GPD2: variants seen among roughly 807,000 people sequenced by gnomAD.
GPD2 encodes glycerol-3-phosphate dehydrogenase, mitochondrial.
In GPD2, 54 loss-of-function variants were observed where a neutral mutation model predicts 82.4. The ratio of observed to expected loss-of-function variants is 0.66; its 90% CI spans 0.53 to 0.82. The LOEUF (loss-of-function observed/expected upper bound fraction) is 0.82, where lower values mean the gene tolerates loss of function less well. Among genes scored for constraint, GPD2 ranks in the 40% least tolerant of loss-of-function variants. GPD2 has a pLI of 0.00. For synonymous variants in GPD2, 288 were observed against 306.1 expected (o/e 0.94, Z 0.62); for missense variants, 748 against 896.2 (o/e 0.83, Z 2.11).
In GPD2 at chr2:156,558,765, CTT is replaced by C. The variant is rs34524248; in HGVS notation, c.1165+1213_1165+1214del. Among the ~76,000 whole-genome samples, 331 of 40,842 alleles carry C rather than the reference CTT, an allele frequency of 8.1e-3. 1 individual carries two copies. The highest frequency in any genetic ancestry group is 0.034 in the African/African-American group (315 of 9,190). 26.8% of individuals were successfully genotyped at this position (40,842 alleles called of 152,430 possible). On this transcript the variant is annotated intron_variant, in intron 9 of 16. Coordinates refer to ENST00000438166, the MANE Select transcript of GPD2 (RefSeq NM_000408.5). The stretch of plus-strand genomic sequence containing the variant: ...GGTGCCCACCACCACGCCCAGCTAA[CTT>C]TTTTTTTTTTTTTTTTTTTTTTTTT...
intron 2 of GPD2, among the ~76,000 whole-genome samples, chr2:156,495,058 T>C (rs1684317471): frequency 6.6e-6 from 1 of 152,156 alleles, no homozygotes; most frequent in African/African-American, 2.4e-5. Flanking sequence ...AAAACTGTAA[T>C]AATGGGCTGG....
Position 156,586,237 on chromosome 2 carries a change from A to G in GPD2, c.*3319A>G, listed in dbSNP as rs1688210823. The G allele has an allele frequency of 6.7e-6, 1 of 150,146 alleles. No individual in the cohort carries two copies. Among genetic ancestry groups the G allele is most frequent in the African/African-American group, 2.4e-5 (1 of 41,268 alleles). 9.3% of individuals were successfully genotyped at this position (150,146 alleles called of 1,614,324 possible). On this transcript the variant is annotated 3_prime_UTR_variant, in exon 17 of 17. Transcript: ENST00000438166. The stretch of plus-strand genomic sequence containing the variant: ...TTAAAAAAAGTTTGAAAATATTTTT[A>G]CAAACTGTGTTTTTGATGACACAAA...
the GPD2 span, among the ~76,000 whole-genome samples, chr2:156,427,337 A>G: frequency 7.2e-5 from 11 of 152,210 alleles, 1 homozygote; most frequent in Non-Finnish European, 1.3e-4. Flanking sequence ...CTTATCTCTA[A>G]ATGAGGCTGT....
chr2:156,550,679 G>T lies in GPD2; in HGVS notation c.904G>T (p.Asp302Tyr), dbSNP rs770612633. ...CACGGACTCTGTGCGCAAAATGGAT[G>T]ATAAAGACGCAGCAGCTATCTGCCA... ...PFTDSVRKMDDKDAAAICQPS... is the reference protein window; with the variant it reads ...PFTDSVRKMDYKDAAAICQPS... Residue 302 changes from aspartate to tyrosine, a missense_variant, in exon 8 of 17, where the codon GAT becomes TAT. Physicochemically the swap from Asp to Tyr is radical, Grantham distance 160. Coordinates refer to ENST00000438166, the MANE Select transcript of GPD2 (RefSeq NM_000408.5). 2 of 1,613,862 alleles carry T rather than the reference G, an allele frequency of 1.2e-6. No individual in the cohort carries two copies. Among genetic ancestry groups the T allele is most frequent in the Admixed American group, 3.3e-5 (2 of 60,026 alleles).
At chr2:156,411,539 C>T in the GPD2 span, among the ~76,000 whole-genome samples, 1 of 152,132 alleles carries the variant, frequency 6.6e-6, no homozygotes, top group Non-Finnish European at 1.5e-5. Flanking sequence ...TTGTCTTAAA[C>T]TCCTGACCTC....
At chr2:156,516,446 T>C (rs879926507) in intron 6 of GPD2, among the ~76,000 whole-genome samples, 20 of 152,340 alleles carry the variant, frequency 1.3e-4, no homozygotes, top group Middle Eastern at 6.8e-3. Context: ...TTTTAATTAA[T>C]TAAGTTTTTT....
rs146086957 is a variant in GPD2, at chr2:156,557,429, G to A, written c.1012G>A (p.Gly338Arg). 5 of 1,611,064 alleles carry A rather than the reference G, an allele frequency of 3.1e-6. No homozygotes were observed. The African/African-American group carries it at 6.7e-5, about 22-fold the overall frequency. Residue 338 changes from glycine to arginine, a missense_variant, in exon 9 of 17, where the codon GGG becomes AGG. Physicochemically the swap from Gly to Arg is moderately radical, Grantham distance 125. Around this residue, in one of 3 missense-constraint regions of GPD2, gnomAD observed 692 missense variants for 809.7 expected, o/e 0.85. Transcript: ENST00000438166. ...ACTTCTTGACCCAGCGACCAGTGAT[G>A]GGCGAGTTATTTTCTTCTTACCCTG... ...MGLLDPATSD[G>R]RVIFFLPWQK...
Position 156,582,970 on chromosome 2 carries a change from G to T in GPD2, c.*52G>T. 6.3e-7 allele frequency: 1 copy of T among 1,595,304 alleles called. No homozygotes were observed. Among genetic ancestry groups the T allele is most frequent in the Admixed American group, 1.7e-5 (1 of 59,684 alleles). ...AAACATAGAAACGACAAATCACCAT[G>T]TAACAACCAGAGATGACTGAAACCA... On this transcript the variant is annotated 3_prime_UTR_variant, in exon 17 of 17. Transcript: ENST00000438166.
At chr2:156,520,492 A>G (rs1341079868) in intron 6 of GPD2, among the ~76,000 whole-genome samples, 1 of 152,052 alleles carries the variant, frequency 6.6e-6, no homozygotes, top group Non-Finnish European at 1.5e-5. Context: ...ATCTTATTAT[A>G]TGTACATGTA....
chr2:156,477,555 A>G (rs1683557387), intron 2 of GPD2, among the ~76,000 whole-genome samples: 1 of 152,160 alleles, frequency 6.6e-6, no homozygotes. Context: ...TGATACCGAA[A>G]GTCTTTTGAT....
At chr2:156,434,338 G>A (rs1262451208), upstream of GPD2, among the ~76,000 whole-genome samples, 5 of 152,048 alleles carry the variant, frequency 3.3e-5, no homozygotes, top group Non-Finnish European at 7.4e-5. Flanking sequence ...TCTTGACCTC[G>A]TGATCTGCCC....
the GPD2 span, among the ~76,000 whole-genome samples, chr2:156,400,842 A>G: frequency 4.6e-5 from 7 of 152,166 alleles, no homozygotes; most frequent in African/African-American, 1.2e-4. Flanking sequence ...GCATCTCCAA[A>G]TCAGCCGACG....
chr2:156,431,366 C>T (rs1434039130), upstream of GPD2, among the ~76,000 whole-genome samples: 1 of 152,184 alleles, frequency 6.6e-6, no homozygotes, highest in African/African-American at 2.4e-5. Context: ...CATAACCCCA[C>T]TTAGTCTTCC....
At chr2:156,543,230 A>G (rs1686394426) in intron 6 of GPD2, among the ~76,000 whole-genome samples, 2 of 152,244 alleles carry the variant, frequency 1.3e-5, no homozygotes, top group East Asian at 1.9e-4. Context: ...CCATAGTTGA[A>G]TGGAAATTGA....
chr2:156,460,059 C>G (rs1301906268), intron 1 of GPD2, among the ~76,000 whole-genome samples: 1 of 152,190 alleles, frequency 6.6e-6, no homozygotes, highest in East Asian at 1.9e-4. Flanking sequence ...GGAACAGAGG[C>G]TCAAACTATG....
chr2:156,510,662 G>T, intron 3 of GPD2, 134 bp from the exon 4 acceptor site: 1 of 742,094 alleles, frequency 1.3e-6, no homozygotes. Context: ...ACAGTGTACT[G>T]CACTTTGAAT....
At chr2:156,494,652 C>T (rs1684304275) in intron 2 of GPD2, among the ~76,000 whole-genome samples, 1 of 152,186 alleles carries the variant, frequency 6.6e-6, no homozygotes, top group Non-Finnish European at 1.5e-5. Flanking sequence ...GAGATTACCT[C>T]CTCTTGCACA....
At chr2:156,496,307 TG>T in intron 3 of GPD2, 92 bp downstream of exon 3, 7 of 850,734 alleles carry the variant, frequency 8.2e-6, no homozygotes, top group Non-Finnish European at 1.3e-5. Flanking sequence ...TGTGCCATGG[TG>T]GTTTGCTGCA....
At chr2:156,548,046 T>G (rs181426993) in intron 6 of GPD2, among the ~76,000 whole-genome samples, 39 of 152,310 alleles carry the variant, frequency 2.6e-4, no homozygotes, top group Middle Eastern at 6.8e-3. Context: ...GCAGGGTGTT[T>G]CCTTGTTAGA....
Sources: gnomAD v4.1 joint callset for allele counts (sites outside exome capture counted in the v4.1 genomes callset) on GRCh38, gnomAD v4.1.1 for gene constraint, gnomAD v4.1.1 regional missense constraint, MANE v1.5 for transcripts, NCBI Gene and HGNC (gene_info 2026-07-23, HGNC 2026-07-21) for gene names.